PIEZO2: variants seen among roughly 807,000 people sequenced by gnomAD.
PIEZO2 encodes piezo type mechanosensitive ion channel component 2.
A neutral mutation model predicts 337.3 loss-of-function variants in PIEZO2; 172 were observed. The ratio of observed to expected loss-of-function variants is 0.51; its 90% confidence interval spans 0.45 to 0.58. The LOEUF (loss-of-function observed/expected upper bound fraction) is 0.58, where lower values mean the gene tolerates loss of function less well. Among genes scored for constraint, PIEZO2 ranks in the 20% least tolerant of loss-of-function variants. The pLI is 0.00. For synonymous variants in PIEZO2, 1,251 were observed against 1,228.5 expected, an observed-to-expected ratio of 1.02 and a Z score of -0.38; for missense variants, 3,028 against 3,391.3, an observed-to-expected ratio of 0.89 and a Z score of 2.66.
chr18:10,805,392 T>G (rs1249748039), intron 8 of PIEZO2, among the ~76,000 whole-genome samples: 1 of 152,144 alleles, frequency 6.6e-6, no homozygotes, highest in African/African-American at 2.4e-5. Context: ...GTCGGGCACC[T>G]GTAATCCCAG....
At chr18:11,093,467 A>G (rs539230681) in intron 1 of PIEZO2, among the ~76,000 whole-genome samples, 5 of 152,308 alleles carry the variant, frequency 3.3e-5, no homozygotes, top group African/African-American at 4.8e-5. Context: ...ACTATAGTCA[A>G]CTTCAGTTGG....
intron 4 of PIEZO2, among the ~76,000 whole-genome samples, chr18:10,879,478 C>T (rs1254682734): frequency 7.0e-6 from 1 of 142,698 alleles, no homozygotes; most frequent in Non-Finnish European, 1.5e-5. Context: ...TCACTGCAAG[C>T]TCCGCCTCCC....
At chr18:10,696,853 A>G (rs1349871578) in intron 45 of PIEZO2, among the ~76,000 whole-genome samples, 1 of 152,072 alleles carries the variant, frequency 6.6e-6, no homozygotes, top group Non-Finnish European at 1.5e-5. Flanking sequence ...GCCTGATTCA[A>G]TTGCTCACCA....
Position 10,988,596 on chromosome 18 carries a change from C to T in PIEZO2, c.161-8936G>A, listed in dbSNP as rs1200273033. 6.6e-6 allele frequency among the ~76,000 whole-genome samples: 1 copy of T among 152,088 alleles called. No individual in the cohort carries two copies. The highest frequency in any genetic ancestry group is 1.5e-5 in the Non-Finnish European group (1 of 68,010). ...ACTTCTGGGTATACATTCAAAATAA[C>T]TGAAATCAGGATGTCAAAAACCTAT... On this transcript the variant is annotated intron_variant, in intron 2 of 55. Coordinates refer to ENST00000674853, the MANE Select transcript of PIEZO2 (RefSeq NM_001378183.1). The surrounding 1 kb of genome is among the most constrained non-coding windows in gnomAD (Gnocchi z 4.8).
chr18:10,823,405 G>T (rs547828630), intron 7 of PIEZO2, among the ~76,000 whole-genome samples: 1 of 152,216 alleles, frequency 6.6e-6, no homozygotes, highest in African/African-American at 2.4e-5. Flanking sequence ...TCAACAACGG[G>T]AGTATTTAAA....
At chr18:11,138,484 G>A (rs899956074) in intron 1 of PIEZO2, among the ~76,000 whole-genome samples, 2 of 152,102 alleles carry the variant, frequency 1.3e-5, no homozygotes, top group African/African-American at 2.4e-5. Context: ...TAGTAGAGAC[G>A]AGGTTTCCCC....
chr18:10,887,595 C>A (rs538401512), intron 4 of PIEZO2, among the ~76,000 whole-genome samples: 1 of 152,296 alleles, frequency 6.6e-6, no homozygotes, highest in East Asian at 1.9e-4. Flanking sequence ...ACAACACTGC[C>A]ATCCAATGTG....
At chr18:11,051,974 C>A (rs1255140412) in intron 2 of PIEZO2, among the ~76,000 whole-genome samples, 2 of 152,216 alleles carry the variant, frequency 1.3e-5, no homozygotes, top group Admixed American at 1.3e-4. Flanking sequence ...TGTACCAGGT[C>A]TCACTGAGGC....
In PIEZO2 at chr18:10,713,748, A is replaced by C. The variant is rs73943380; in HGVS notation, c.5423+1016T>G. Among the ~76,000 whole-genome samples, 1,521 of 152,358 alleles carry C rather than the reference A, an allele frequency of 1.0e-2. 36 individuals carry two copies. Among genetic ancestry groups the C allele is most frequent in the African/African-American group, 0.034 (1,430 of 41,566 alleles). On this transcript the variant is annotated intron_variant, in intron 39 of 55. Transcript: ENST00000674853. The surrounding 1 kb of genome is among the most constrained non-coding windows in gnomAD (Gnocchi z 4.5). ...ATACTCAACATGTTTAATGAAAAACATAAAACATGAATGTTCTCAGTGATA... is the reference window on the plus strand; with the variant it reads ...ATACTCAACATGTTTAATGAAAAACCTAAAACATGAATGTTCTCAGTGATA...
chr18:10,987,987 G>T (rs2034944349), intron 2 of PIEZO2, among the ~76,000 whole-genome samples: 1 of 152,128 alleles, frequency 6.6e-6, no homozygotes, highest in Non-Finnish European at 1.5e-5. Flanking sequence ...ACCACAAGTT[G>T]AGATACCACC....
intron 2 of PIEZO2, among the ~76,000 whole-genome samples, chr18:11,006,462 G>A (rs2145632799): frequency 6.6e-6 from 1 of 152,278 alleles, no homozygotes; most frequent in South Asian, 2.1e-4. Context: ...TTTCATGGGG[G>A]CAAAAGGCTG....
At position 10,807,238 on chromosome 18, in the gene PIEZO2, A is replaced by G. The variant is rs1598509452; in HGVS notation, c.954T>C (p.Cys318=). The G allele has an allele frequency of 2.0e-6, 3 of 1,537,284 alleles. No individual in the cohort carries two copies. Among genetic ancestry groups the G allele is most frequent in the East Asian group, 4.9e-5 (2 of 40,918 alleles). Residue 318 remains cysteine, a synonymous_variant, in exon 8 of 56, where the codon TGT becomes TGC. Transcript: ENST00000674853. ...FGIKSVIQTD[C]SSTWKIIVNP... ...TCACTATGATCTTCCAAGTACTTGAACAGTCCGTTTGAATTACTGACTTGA... is the reference window on the plus strand; with the variant it reads ...TCACTATGATCTTCCAAGTACTTGAGCAGTCCGTTTGAATTACTGACTTGA...
rs909652297 is a variant in PIEZO2 at position 10,993,817 on chromosome 18, G to T, written c.161-14157C>A. ...GCTGGGATTACAGGCGTGAGCCACC[G>T]CTCCTGGCCATGTCTCTGCTTTTTT... is the stretch of plus-strand genomic sequence containing the variant. On this transcript the variant is annotated intron_variant, in intron 2 of 55. Transcript: ENST00000674853. The surrounding 1 kb of genome is among the most constrained non-coding windows in gnomAD (Gnocchi z 5.0). 7.9e-5 allele frequency among the ~76,000 whole-genome samples: 12 copies of T among 152,044 alleles called. No homozygotes were observed. Among genetic ancestry groups the T allele is most frequent in the Non-Finnish European group, 2.9e-5 (2 of 68,014 alleles).
intron 4 of PIEZO2, among the ~76,000 whole-genome samples, chr18:10,874,202 C>T (rs1481942685): frequency 6.6e-6 from 1 of 151,816 alleles, no homozygotes; most frequent in Non-Finnish European, 1.5e-5. Context: ...TGGACAACAG[C>T]TTATGTAAAA....
intron 12 of PIEZO2, among the ~76,000 whole-genome samples, chr18:10,796,680 T>C (rs2039610021): frequency 6.6e-6 from 1 of 152,220 alleles, no homozygotes; most frequent in Admixed American, 6.5e-5. Flanking sequence ...AGCTGACCGT[T>C]CTCTGCCAAG....
intron 2 of PIEZO2, among the ~76,000 whole-genome samples, chr18:11,046,431 C>T (rs920690842): frequency 3.9e-5 from 6 of 152,134 alleles, no homozygotes; most frequent in Non-Finnish European, 5.9e-5. Context: ...TTGAATGAGC[C>T]GGGGGATAAA....
intron 4 of PIEZO2, among the ~76,000 whole-genome samples, chr18:10,886,713 C>A (rs1026205450): frequency 6.6e-6 from 1 of 151,186 alleles, no homozygotes; most frequent in Non-Finnish European, 1.5e-5. Context: ...ATTTTCAGAC[C>A]ACAGTTGACC....
chr18:10,799,663 C>CA (rs371439135), intron 11 of PIEZO2, among the ~76,000 whole-genome samples: 47 of 151,336 alleles, frequency 3.1e-4, no homozygotes, highest in Middle Eastern at 3.4e-3. Flanking sequence ...AAAAAATGGA[C>CA]AAAAAAAAGG....
Position 10,854,020 on chromosome 18 carries a change from T to C in PIEZO2, c.917+1333A>G, listed in dbSNP as rs1439215808. 1.3e-5 allele frequency among the ~76,000 whole-genome samples: 2 copies of C among 152,212 alleles called. No individual in the cohort carries two copies. Among genetic ancestry groups the C allele is most frequent in the Non-Finnish European group, 2.9e-5 (2 of 68,046 alleles). On this transcript the variant is annotated intron_variant, in intron 7 of 55. Transcript: ENST00000674853. This position sits in a 1 kb window ranked among gnomAD's most constrained non-coding sequence, Gnocchi z 4.6. The stretch of plus-strand genomic sequence containing the variant: ...AAGTATCTACTGTGCTCCTCTGAAC[T>C]AGACAGTTGCTGCCTCCACTCTCTA...
Sources: allele counts gnomAD v4.1 joint callset (sites outside exome capture counted in the v4.1 genomes callset), GRCh38; gene constraint gnomAD v4.1.1; non-coding constraint Gnocchi (gnomAD v3.1); transcripts MANE v1.5; gene names NCBI Gene and HGNC (gene_info 2026-07-23, HGNC 2026-07-21).